Variants in CAB39 observed in about 807,000 individuals in gnomAD.
CAB39 encodes the protein calcium-binding protein 39.
CAB39 carries 8 observed loss-of-function variants against 40.0 expected under a neutral mutation model. The ratio of observed to expected loss-of-function variants is 0.20; its 90% CI spans 0.12 to 0.36. The LOEUF (loss-of-function observed/expected upper bound fraction) is 0.36. CAB39 is among the 10% of genes least tolerant of loss of function. The probability of loss-of-function intolerance (pLI) is 1.00; values close to 1 mark genes in which losing one functional copy is unlikely to be tolerated. For missense variants in CAB39, 270 were observed against 401.1 expected, an observed-to-expected ratio of 0.67 and a Z score of 2.79; for synonymous variants, 156 against 141.6, an observed-to-expected ratio of 1.10 and a Z score of -0.72.
At chr2:230,802,217 A>C (rs1285040523) in intron 5 of CAB39, among the ~76,000 whole-genome samples, 3 of 152,270 alleles carry the variant, frequency 2.0e-5, no homozygotes, top group Non-Finnish European at 1.5e-5. Context: ...GAAACCAATG[A>C]GAACAAAGAC....
At chr2:230,717,107 C>G in intron 1 of CAB39, among the ~76,000 whole-genome samples, 1 of 152,028 alleles carries the variant, frequency 6.6e-6, no homozygotes, top group Middle Eastern at 3.2e-3. Flanking sequence ...TTACATGTTA[C>G]AGAAATGGGA....
intron 2 of CAB39, among the ~76,000 whole-genome samples, chr2:230,780,730 ACAT>A (rs2124943810): frequency 1.3e-5 from 2 of 152,324 alleles, no homozygotes; most frequent in East Asian, 3.9e-4. Flanking sequence ...ATGGTCAGTA[ACAT>A]CATTTGGTTA....
At chr2:230,809,306 C>T (rs1375771238) in intron 5 of CAB39, among the ~76,000 whole-genome samples, 2 of 152,178 alleles carry the variant, frequency 1.3e-5, no homozygotes, top group East Asian at 3.8e-4. Flanking sequence ...TCAAGAAACA[C>T]TAGTTCTTTG....
At chr2:230,790,528 G>A (rs1174909900) in intron 2 of CAB39, among the ~76,000 whole-genome samples, 1 of 152,070 alleles carries the variant, frequency 6.6e-6, no homozygotes, top group Non-Finnish European at 1.5e-5. Flanking sequence ...TCATTCTTAG[G>A]GATCAGCCCA....
rs761228393 is a variant in CAB39, at chr2:230,791,052, C to A, written c.279+16C>A. The A allele has an allele frequency of 6.4e-7, 1 of 1,558,304 alleles. No homozygotes were observed. Among genetic ancestry groups the A allele is most frequent in the Middle Eastern group, 1.7e-4 (1 of 5,816 alleles). On this transcript the variant is annotated intron_variant, in intron 3 of 8. Coordinates refer to ENST00000258418, the MANE Select transcript of CAB39 (RefSeq NM_016289.4). The stretch of plus-strand genomic sequence containing the variant: ...TGACTTTGAGGTAAGAAATCAATTT[C>A]TTATTTTTAAAAAACAGTACCCTGT...
intron 5 of CAB39, among the ~76,000 whole-genome samples, chr2:230,806,233 A>G (rs182694807): frequency 6.6e-6 from 1 of 152,314 alleles, no homozygotes; most frequent in East Asian, 1.9e-4. Context: ...AAGCCTAGAG[A>G]TTTTGATTGA....
intron 2 of CAB39, among the ~76,000 whole-genome samples, chr2:230,771,410 T>G (rs1157848760): frequency 6.6e-6 from 1 of 151,872 alleles, no homozygotes; most frequent in Non-Finnish European, 1.5e-5. Flanking sequence ...AAACATGAAA[T>G]AGGGATAAAT....
intron 1 of CAB39, among the ~76,000 whole-genome samples, chr2:230,732,745 G>T (rs76030306): frequency 0.039 from 5,936 of 152,278 alleles, 406 homozygotes; most frequent in African/African-American, 0.13. Flanking sequence ...ATGAGAGCAG[G>T]ATGGGATAAA....
At chr2:230,748,831 A>AAAAAAAATATATATATAT (rs1386799920) in intron 1 of CAB39, among the ~76,000 whole-genome samples, 2 of 28,506 alleles carry the variant, frequency 7.0e-5, no homozygotes, top group Non-Finnish European at 6.3e-5. Flanking sequence ...AAAAAAAAAA[A>AAAAAAAATATATATATAT]ATATATATAT....
At chr2:230,761,401 A>G (rs1295003246) in intron 2 of CAB39, among the ~76,000 whole-genome samples, 4 of 152,148 alleles carry the variant, frequency 2.6e-5, no homozygotes, top group African/African-American at 9.7e-5. Context: ...ATGACATACC[A>G]TTAATAATAC....
At chr2:230,807,302 G>A (rs1220815377) in intron 5 of CAB39, among the ~76,000 whole-genome samples, 1 of 151,968 alleles carries the variant, frequency 6.6e-6, no homozygotes, top group Non-Finnish European at 1.5e-5. Context: ...TCTCTCAGTA[G>A]ATAGAGGCTC....
At chr2:230,772,087 T>C (rs1381029346) in intron 2 of CAB39, among the ~76,000 whole-genome samples, 1 of 152,088 alleles carries the variant, frequency 6.6e-6, no homozygotes, top group East Asian at 1.9e-4. Flanking sequence ...TTCATAAAAA[T>C]TAAAACCTGC....
At chr2:230,774,955 GTATC>G (rs1575937626) in intron 2 of CAB39, among the ~76,000 whole-genome samples, 1 of 152,282 alleles carries the variant, frequency 6.6e-6, no homozygotes, top group East Asian at 1.9e-4. Flanking sequence ...GGCACCAACA[GTATC>G]TGTCAGTTCA....
intron 5 of CAB39, among the ~76,000 whole-genome samples, chr2:230,806,160 C>A (rs1696189894): frequency 6.6e-6 from 1 of 152,224 alleles, no homozygotes; most frequent in East Asian, 1.9e-4. Context: ...TAGATAATTT[C>A]ATATCATACT....
chr2:230,782,750 A>G (rs1261553375), intron 2 of CAB39, among the ~76,000 whole-genome samples: 1 of 151,412 alleles, frequency 6.6e-6, no homozygotes, highest in Admixed American at 6.6e-5. Flanking sequence ...AAGATTTCCA[A>G]CACCGCAAGT....
intron 2 of CAB39, among the ~76,000 whole-genome samples, chr2:230,762,769 T>C (rs757339067): frequency 3.3e-5 from 5 of 152,232 alleles, no homozygotes; most frequent in Non-Finnish European, 2.9e-5. Flanking sequence ...TTTTAGGCAC[T>C]GGGGATATAA....
At chr2:230,773,402 G>A (rs553042260) in intron 2 of CAB39, among the ~76,000 whole-genome samples, 1 of 150,712 alleles carries the variant, frequency 6.6e-6, no homozygotes, top group East Asian at 1.9e-4. Context: ...TTATAACTCA[G>A]TAGTGAATAA....
intron 1 of CAB39, among the ~76,000 whole-genome samples, chr2:230,757,241 A>T (rs1333148321): frequency 6.6e-6 from 1 of 152,146 alleles, no homozygotes; most frequent in African/African-American, 2.4e-5. Context: ...GACCACAGGC[A>T]TGCATCACCA....
intron 1 of CAB39, among the ~76,000 whole-genome samples, chr2:230,753,921 A>G (rs1035061340): frequency 1.3e-5 from 2 of 152,212 alleles, no homozygotes; most frequent in African/African-American, 4.8e-5. Flanking sequence ...AAAACTTAGA[A>G]CATACAGAAA....
Sources: gnomAD v4.1 joint callset for allele counts (sites outside exome capture counted in the v4.1 genomes callset) on GRCh38, gnomAD v4.1.1 for gene constraint, MANE v1.5 for transcripts, NCBI Gene and HGNC (gene_info 2026-07-23, HGNC 2026-07-21) for gene names.